Variants in LRFN2 observed in about 807,000 individuals in gnomAD.
The protein encoded by LRFN2 is leucine rich repeat and fibronectin type III domain containing 2.
A neutral mutation model predicts 37.3 loss-of-function variants in LRFN2; 18 were observed. That is an observed-to-expected ratio of 0.48 (90% CI 0.33 to 0.72). The LOEUF is 0.72. Among genes scored for constraint, LRFN2 ranks in the 30% least tolerant of loss-of-function variants. The pLI, the probability that LRFN2 is intolerant of heterozygous loss-of-function variation, is 0.02. For synonymous variants in LRFN2, 556 were observed against 466.6 expected, an observed-to-expected ratio of 1.19 and a Z score of -2.47; for missense variants, 1,006 against 1,060.7, an observed-to-expected ratio of 0.95 and a Z score of 0.72.
At chr6:40,563,487 G>A (rs1373444555) in intron 1 of LRFN2, among the ~76,000 whole-genome samples, 1 of 152,140 alleles carries the variant, frequency 6.6e-6, no homozygotes, top group Non-Finnish European at 1.5e-5. Context: ...GACCATTAGG[G>A]AGCAGTTGTT....
At chr6:40,492,736 C>A (rs540533825) in intron 1 of LRFN2, among the ~76,000 whole-genome samples, 1 of 152,210 alleles carries the variant, frequency 6.6e-6, no homozygotes, top group South Asian at 2.1e-4. Flanking sequence ...AGGCAACAGG[C>A]CCCCAAGGAG....
intron 2 of LRFN2, among the ~76,000 whole-genome samples, chr6:40,413,207 C>A (rs1204292421): frequency 2.6e-5 from 4 of 152,232 alleles, no homozygotes; most frequent in Admixed American, 6.5e-5. Context: ...GCTCCCGCAG[C>A]TCTGATGAGA....
intron 1 of LRFN2, among the ~76,000 whole-genome samples, chr6:40,566,722 T>A (rs1383572394): frequency 1.4e-5 from 2 of 147,434 alleles, no homozygotes; most frequent in East Asian, 4.0e-4. Flanking sequence ...CATCACACAC[T>A]GGGGACTGTT....
intron 1 of LRFN2, among the ~76,000 whole-genome samples, chr6:40,434,788 C>A (rs1763604903): frequency 6.6e-6 from 1 of 151,536 alleles, no homozygotes; most frequent in African/African-American, 2.4e-5. Flanking sequence ...CCTCAAATTG[C>A]CTGCTAAACA....
intron 1 of LRFN2, among the ~76,000 whole-genome samples, chr6:40,436,196 AC>A (rs1375610024): frequency 6.6e-6 from 1 of 152,212 alleles, no homozygotes; most frequent in African/African-American, 2.4e-5. Context: ...TGCGTATTTT[AC>A]CCTCAGAGCA....
intron 2 of LRFN2, among the ~76,000 whole-genome samples, chr6:40,423,999 T>C (rs1763288901): frequency 6.6e-6 from 1 of 152,130 alleles, no homozygotes; most frequent in South Asian, 2.1e-4. Context: ...CCCTTATGAG[T>C]TTAAGTCATA....
chr6:40,434,545 T>TGGCTCACTGCAACCTC (rs1157424010), intron 1 of LRFN2, among the ~76,000 whole-genome samples: 1 of 151,872 alleles, frequency 6.6e-6, no homozygotes, highest in Non-Finnish European at 1.5e-5. Flanking sequence ...GGCGCAATCT[T>TGGCTCACTGCAACCTC]GGCTCACTGC....
In LRFN2 at chr6:40,392,879, G is replaced by T. The variant is rs1762542913; in HGVS notation, c.1434C>A (p.Val478=). 4 of 1,612,742 alleles carry T rather than the reference G, an allele frequency of 2.5e-6. No homozygotes were observed. The highest frequency in any genetic ancestry group is 1.7e-4 in the Middle Eastern group (1 of 6,050). ...AGCCAGTCCCTGACACCAGGTTGTT[G>T]ACCACGAAGGCCTTGTTGGAGGCTG... is the stretch of plus-strand genomic sequence containing the variant. ...MIPASNKAFV[V]NNLVSGTGYD... Residue 478 remains valine, a synonymous_variant, in exon 3 of 3, where the codon GTC becomes GTA. Coordinates refer to ENST00000338305, the MANE Select transcript of LRFN2 (RefSeq NM_020737.3). The surrounding 1 kb of genome is among the most constrained non-coding windows in gnomAD (Gnocchi z 4.7).
At chr6:40,548,865 C>T (rs1561903719) in intron 1 of LRFN2, among the ~76,000 whole-genome samples, 1 of 152,196 alleles carries the variant, frequency 6.6e-6, no homozygotes, top group Non-Finnish European at 1.5e-5. Context: ...AACCAGTTCA[C>T]AGAGCACAGG....
intron 1 of LRFN2, among the ~76,000 whole-genome samples, chr6:40,583,201 CATATATATACACTATATACATATATA>C (rs1767437627): frequency 7.1e-6 from 1 of 141,264 alleles, no homozygotes; most frequent in Non-Finnish European, 1.6e-5. Flanking sequence ...TATATATAGA[CATATATATACACTATATACATATATA>C]GTATATATAC....
chr6:40,522,963 G>A (rs886486148), intron 1 of LRFN2, among the ~76,000 whole-genome samples: 2 of 152,196 alleles, frequency 1.3e-5, no homozygotes, highest in African/African-American at 4.8e-5. Context: ...TGTGTAATAA[G>A]GGAAGGACAG....
At chr6:40,515,847 C>T (rs1581768350) in intron 1 of LRFN2, among the ~76,000 whole-genome samples, 1 of 141,798 alleles carries the variant, frequency 7.1e-6, no homozygotes, top group East Asian at 2.1e-4. Flanking sequence ...GAGCCGAGAT[C>T]GTGCCACTGC....
intron 1 of LRFN2, among the ~76,000 whole-genome samples, chr6:40,507,911 A>C (rs1215527910): frequency 1.3e-5 from 2 of 152,200 alleles, no homozygotes; most frequent in Non-Finnish European, 2.9e-5. Flanking sequence ...TGGCTAACAA[A>C]TGTGTGCCTT....
rs766110810 is a variant in LRFN2 at position 40,577,773 on chromosome 6, T to TAA, written c.-19+9166_-19+9167dup. Among the ~76,000 whole-genome samples the TAA allele has an allele frequency of 6.3e-3, 577 of 91,068 alleles. 5 individuals are homozygous for TAA. The highest frequency in any genetic ancestry group is 8.1e-3 in the Non-Finnish European group (337 of 41,398). The allele number at this position is 91,068 out of a possible 152,430, so 59.7% of individuals were successfully genotyped here. A position where few individuals can be genotyped will look rare whatever the true frequency, so the allele number is the denominator to read the frequency against. On this transcript the variant is annotated intron_variant, in intron 1 of 2. Coordinates refer to ENST00000338305, the MANE Select transcript of LRFN2 (RefSeq NM_020737.3). The stretch of plus-strand genomic sequence containing the variant: ...ATGTACCCTAAAACTTAAAGTATAA[T>TAA]AAAAAAAAAAGGAAAAAATAAATAA...
chr6:40,446,754 A>G (rs1365194336), intron 1 of LRFN2, among the ~76,000 whole-genome samples: 2 of 152,274 alleles, frequency 1.3e-5, no homozygotes, highest in Non-Finnish European at 2.9e-5. Flanking sequence ...AGGTGCAGGC[A>G]GGGAATAAAT....
intron 1 of LRFN2, among the ~76,000 whole-genome samples, chr6:40,499,653 T>C (rs1366004025): frequency 1.3e-5 from 2 of 151,550 alleles, no homozygotes; most frequent in Non-Finnish European, 1.5e-5. Context: ...CAGCAGAGAG[T>C]GTGGGCCGAG....
intron 1 of LRFN2, among the ~76,000 whole-genome samples, chr6:40,536,374 C>T (rs1356942723): frequency 6.6e-6 from 1 of 152,218 alleles, no homozygotes; most frequent in Non-Finnish European, 1.5e-5. Context: ...AGAGAAGAGT[C>T]AAAGTCACTG....
chr6:40,552,064 A>G (rs1486305757), intron 1 of LRFN2, among the ~76,000 whole-genome samples: 4 of 152,198 alleles, frequency 2.6e-5, no homozygotes, highest in African/African-American at 9.6e-5. Context: ...TTCCCACACC[A>G]GGGGCTATGT....
chr6:40,558,990 G>A (rs1328620497), intron 1 of LRFN2, among the ~76,000 whole-genome samples: 1 of 152,154 alleles, frequency 6.6e-6, no homozygotes, highest in East Asian at 1.9e-4. Flanking sequence ...AGGCTAGCTG[G>A]GAAGGCAACC....
Sources: gnomAD v4.1 joint callset for allele counts (sites outside exome capture counted in the v4.1 genomes callset) on GRCh38, gnomAD v4.1.1 for gene constraint, Gnocchi (gnomAD v3.1) non-coding constraint, MANE v1.5 for transcripts, NCBI Gene and HGNC (gene_info 2026-07-23, HGNC 2026-07-21) for gene names.